The following RABGAP1 variants were observed in gnomAD, a reference collection of about 807,000 sequenced individuals.
RABGAP1 encodes the protein rab GTPase-activating protein 1.
RABGAP1 carries 23 observed loss-of-function variants against 137.6 expected under a neutral mutation model. That is an observed-to-expected ratio of 0.17 (90% CI 0.12 to 0.24). The LOEUF (loss-of-function observed/expected upper bound fraction) is 0.24. RABGAP1 is among the 10% of genes least tolerant of loss of function. RABGAP1 has a pLI of 1.00. For synonymous variants in RABGAP1, 451 were observed against 450.7 expected (o/e 1.00, Z -0.01); for missense variants, 906 against 1,275.8 (o/e 0.71, Z 4.42).
intron 6 of RABGAP1, among the ~76,000 whole-genome samples, chr9:122,992,114 G>A (rs771903286): frequency 4.0e-5 from 6 of 151,526 alleles, no homozygotes; most frequent in Non-Finnish European, 5.9e-5. Context: ...ACGGTTCACC[G>A]CAACCTCTGT....
chr9:123,085,181 A>G lies in RABGAP1; in HGVS notation c.2425-4577A>G, dbSNP rs79758721. Among the ~76,000 whole-genome samples, 636 of 152,324 alleles carry G rather than the reference A, an allele frequency of 4.2e-3. 7 individuals carry two copies. The highest frequency in any genetic ancestry group is 0.034 in the East Asian group (175 of 5,186). On this transcript the variant is annotated intron_variant, in intron 19 of 25. Transcript: ENST00000373647. ...TGGACTGAATTTGTGCTTCTATCAA[A>G]ATAACAAACTGGCATGTATCAAGTC...
intron 2 of RABGAP1, among the ~76,000 whole-genome samples, chr9:122,969,823 C>T (rs999024455): frequency 2.6e-5 from 4 of 152,140 alleles, no homozygotes; most frequent in Admixed American, 2.6e-4. Context: ...ACACTGACCT[C>T]CTAAAGTGTT....
intron 2 of RABGAP1, among the ~76,000 whole-genome samples, chr9:122,958,789 A>C (rs145672152): frequency 2.6e-5 from 4 of 152,096 alleles, no homozygotes; most frequent in African/African-American, 9.7e-5. Flanking sequence ...CAAATGAATC[A>C]CTTGAGCCTA....
chr9:122,961,523 TA>T (rs1409737945), intron 2 of RABGAP1, among the ~76,000 whole-genome samples: 3 of 152,280 alleles, frequency 2.0e-5, no homozygotes, highest in Admixed American at 6.5e-5. Context: ...CAAGAAACAC[TA>T]AAGGAAGTTC....
intron 23 of RABGAP1, 81 bp downstream of exon 23, chr9:123,098,879 C>T: frequency 2.8e-6 from 2 of 711,416 alleles, no homozygotes; most frequent in Non-Finnish European, 4.3e-6. Flanking sequence ...CCCCCCACCC[C>T]CAAACCCAAA....
intron 6 of RABGAP1, among the ~76,000 whole-genome samples, chr9:122,991,605 CTTT>C (rs1244355425): frequency 5.7e-5 from 8 of 139,322 alleles, no homozygotes. Flanking sequence ...CTCTCTCTCT[CTTT>C]TTTTTTTTTT....
At chr9:122,955,897 C>T (rs1417934863) in intron 1 of RABGAP1, among the ~76,000 whole-genome samples, 2 of 152,154 alleles carry the variant, frequency 1.3e-5, no homozygotes. Flanking sequence ...ACTAGATGAA[C>T]ATGGAGCCAT....
intron 21 of RABGAP1, among the ~76,000 whole-genome samples, chr9:123,096,659 C>T (rs1358634388): frequency 1.3e-5 from 2 of 152,240 alleles, no homozygotes; most frequent in African/African-American, 4.8e-5. Context: ...ACCTCAGCCT[C>T]CTGGGTTCAA....
Position 123,029,408 on chromosome 9 carries a change from C to G in RABGAP1, c.1794+8949C>G, listed in dbSNP as rs886576740. The G allele has an allele frequency of 2.4e-5, 36 of 1,514,430 alleles. No individual in the cohort carries two copies. In the South Asian group the frequency reaches 3.9e-4, roughly 17 times the overall value. 93.8% of individuals were successfully genotyped at this position (1,514,430 alleles called of 1,614,324 possible). A position where few individuals can be genotyped will look rare whatever the true frequency, so the allele number is the denominator to read the frequency against. On this transcript the variant is annotated intron_variant, in intron 13 of 25. Coordinates refer to ENST00000373647, the MANE Select transcript of RABGAP1 (RefSeq NM_012197.4). ...ATCTTCACCAGCAGCTGGAGCATCT[C>G]TGCCCTTGGTATTTCTGGTGTAAAT...
chr9:123,065,924 C>A (rs376952069), intron 14 of RABGAP1, among the ~76,000 whole-genome samples: 6 of 152,162 alleles, frequency 3.9e-5, no homozygotes, highest in Non-Finnish European at 7.3e-5. Flanking sequence ...AAGGTCTGTA[C>A]CCGAACACTA....
At chr9:123,089,901 T>A in intron 20 of RABGAP1, 51 bp downstream of exon 20, 2 of 1,465,126 alleles carry the variant, frequency 1.4e-6, no homozygotes, top group Non-Finnish European at 1.9e-6. Context: ...TTTCATTTCA[T>A]ATGATTGCGC....
At chr9:122,985,476 G>A (rs1008666951) in intron 3 of RABGAP1, among the ~76,000 whole-genome samples, 2 of 152,128 alleles carry the variant, frequency 1.3e-5, no homozygotes, top group Non-Finnish European at 2.9e-5. Flanking sequence ...GCCAGGCGTG[G>A]TGGCACGCAC....
chr9:123,095,775 G>A lies in RABGAP1; in HGVS notation c.2629-1966G>A, dbSNP rs147406889. ...TCAGCTGCATTCCACATACTCTGATGTGTTGTGCTTTTATTTTCATTCAGT... is the reference window on the plus strand; with the variant it reads ...TCAGCTGCATTCCACATACTCTGATATGTTGTGCTTTTATTTTCATTCAGT... On this transcript the variant is annotated intron_variant, in intron 21 of 25. Coordinates refer to ENST00000373647, the MANE Select transcript of RABGAP1 (RefSeq NM_012197.4). 6.9e-4 allele frequency among the ~76,000 whole-genome samples: 105 copies of A among 151,196 alleles called. No individual in the cohort carries two copies. In the East Asian group the frequency reaches 0.018, roughly 26 times the overall value.
chr9:123,073,666 C>G lies in RABGAP1; in HGVS notation c.2098C>G (p.Arg700Gly). 1.9e-6 allele frequency: 3 copies of G among 1,613,674 alleles called. No homozygotes were observed. The highest frequency in any genetic ancestry group is 2.5e-6 in the Non-Finnish European group (3 of 1,179,774). Reference sequence around the variant, plus strand: ...GCATTGCAAATTTTACCAGTTGGAGCGCCTCATGCAGGTAAAAAGAGAAAC... The same window carrying G: ...GCATTGCAAATTTTACCAGTTGGAGGGCCTCATGCAGGTAAAAAGAGAAAC... Reference protein sequence around the residue: ...DLHCKFYQLERLMQEYIPDLY... With the variant: ...DLHCKFYQLEGLMQEYIPDLY... The change falls in exon 16 of 26, where the codon CGC (arginine) becomes GGC (glycine). Residue 700 changes from arginine to glycine, a missense_variant. By Grantham distance (125) the Arg-to-Gly change is moderately radical. This residue lies in a region of RABGAP1 where 25 missense variants were observed against 31.7 expected (regional missense o/e 0.79). Coordinates refer to ENST00000373647, the MANE Select transcript of RABGAP1 (RefSeq NM_012197.4).
intron 14 of RABGAP1, chr9:123,065,685 G>T: frequency 2.2e-6 from 1 of 460,110 alleles, no homozygotes; most frequent in South Asian, 2.1e-5. Context: ...TTCTAATCAG[G>T]ATTTTTAGAT....
intron 12 of RABGAP1, among the ~76,000 whole-genome samples, chr9:123,016,398 T>C (rs1465143705): frequency 6.6e-6 from 1 of 152,120 alleles, no homozygotes; most frequent in African/African-American, 2.4e-5. Context: ...TTCCAGCTAC[T>C]CTGGAGGCTG....
Position 122,984,508 on chromosome 9 carries a change from G to A in RABGAP1, c.174G>A (p.Gln58=), listed in dbSNP as rs1309972046. ...AGATTGTAGGGAATGGAAGTGAACA[G>A]CAGCTGCAAAAAGAGCTAGCAGATG... The part of the protein sequence containing the change: ...GLKIVGNGSE[Q]QLQKELADVL... The change falls in exon 3 of 26, where the codon CAG becomes CAA. Residue 58 remains glutamine (Q), a synonymous_variant. Coordinates refer to ENST00000373647, the MANE Select transcript of RABGAP1 (RefSeq NM_012197.4). 1.2e-6 allele frequency: 2 copies of A among 1,613,946 alleles called. No homozygotes were observed. Among genetic ancestry groups the A allele is most frequent in the Non-Finnish European group, 8.5e-7 (1 of 1,179,956 alleles).
At chr9:123,077,140 C>G (rs2034537199) in intron 19 of RABGAP1, 1 of 149,388 alleles carries the variant, frequency 6.7e-6, no homozygotes, top group South Asian at 2.1e-4. Flanking sequence ...ATGATTTCTT[C>G]TACTGTGCTG....
chr9:122,984,149 G>A (rs767215062), intron 2 of RABGAP1, among the ~76,000 whole-genome samples: 14 of 152,100 alleles, frequency 9.2e-5, no homozygotes, highest in Non-Finnish European at 1.9e-4. Context: ...TCTTAAAAGC[G>A]TTATTTCTTA....
Sources: allele counts gnomAD v4.1 joint callset (sites outside exome capture counted in the v4.1 genomes callset), GRCh38; gene constraint gnomAD v4.1.1; regional missense constraint gnomAD v4.1.1; transcripts MANE v1.5; gene names NCBI Gene and HGNC (gene_info 2026-07-23, HGNC 2026-07-21).